Variants in PLCXD3 observed in about 807,000 individuals in gnomAD.
PLCXD3 encodes the protein phosphatidylinositol specific phospholipase C X domain containing 3.
PLCXD3 carries 19 observed loss-of-function variants against 25.5 expected under a neutral mutation model. The observed-to-expected ratio is 0.75, with a 90% CI of 0.52 to 1.09. The LOEUF (loss-of-function observed/expected upper bound fraction) is 1.09, where lower values mean the gene tolerates loss of function less well. Among genes scored for constraint, PLCXD3 ranks in the 50% least tolerant of loss-of-function variants. The pLI is 0.00. For synonymous variants in PLCXD3, 174 were observed against 137.6 expected, an observed-to-expected ratio of 1.26 and a Z score of -1.85; for missense variants, 411 against 388.1, an observed-to-expected ratio of 1.06 and a Z score of -0.50.
intron 2 of PLCXD3, among the ~76,000 whole-genome samples, chr5:41,343,903 T>C (rs895209346): frequency 8.5e-5 from 13 of 152,132 alleles, no homozygotes; most frequent in African/African-American, 3.1e-4. Flanking sequence ...GATTTGTTTG[T>C]CTGATAAGAA....
chr5:41,384,071 A>G (rs1425868608), intron 1 of PLCXD3, among the ~76,000 whole-genome samples: 1 of 152,110 alleles, frequency 6.6e-6, no homozygotes, highest in African/African-American at 2.4e-5. Flanking sequence ...TAAAATTTAG[A>G]TAAGTTCTCA....
At chr5:41,393,571 T>G (rs529690731) in intron 1 of PLCXD3, among the ~76,000 whole-genome samples, 1 of 152,216 alleles carries the variant, frequency 6.6e-6, no homozygotes, top group Non-Finnish European at 1.5e-5. Flanking sequence ...TAAAAAGTCC[T>G]TCAAACAGAA....
chr5:41,501,035 C>G (rs1748939951), intron 1 of PLCXD3, among the ~76,000 whole-genome samples: 1 of 151,750 alleles, frequency 6.6e-6, no homozygotes, highest in Non-Finnish European at 1.5e-5. Context: ...AGGATGGTTA[C>G]TATCAAAAAT....
In PLCXD3 at chr5:41,488,277, C is replaced by T. The variant is rs1178326165; in HGVS notation, c.103+22147G>A. On this transcript the variant is annotated intron_variant, in intron 1 of 2. Transcript: ENST00000377801. ...ATGAACTCATCATTTTTTATGGCTG[C>T]ATAGTATTCCATGGTGTATATGTGC... is the stretch of plus-strand genomic sequence containing the variant. Among the ~76,000 whole-genome samples, 5 of 141,246 alleles carry T rather than the reference C, an allele frequency of 3.5e-5. No homozygotes were observed. The East Asian group carries it at 6.2e-4, about 17-fold the overall frequency. The allele number at this position is 141,246 out of a possible 152,430, so 92.7% of individuals were successfully genotyped here. A position where few individuals can be genotyped will look rare whatever the true frequency, so the allele number is the denominator to read the frequency against.
At chr5:41,465,513 T>C (rs556708189) in intron 1 of PLCXD3, among the ~76,000 whole-genome samples, 2 of 151,938 alleles carry the variant, frequency 1.3e-5, no homozygotes, top group African/African-American at 2.4e-5. Flanking sequence ...TAATTCAGCA[T>C]GTGCTCAATG....
chr5:41,407,170 T>C (rs1257861769), intron 1 of PLCXD3, among the ~76,000 whole-genome samples: 2 of 152,208 alleles, frequency 1.3e-5, no homozygotes, highest in Admixed American at 1.3e-4. Flanking sequence ...TGGCTGATGT[T>C]ATGTGGGACT....
intron 1 of PLCXD3, among the ~76,000 whole-genome samples, chr5:41,436,487 A>G (rs879922135): frequency 6.6e-6 from 1 of 152,178 alleles, no homozygotes; most frequent in African/African-American, 2.4e-5. Context: ...GCTACTTAAT[A>G]TGTTCAGTAA....
At chr5:41,451,480 T>C (rs1021500141) in intron 1 of PLCXD3, among the ~76,000 whole-genome samples, 1 of 152,070 alleles carries the variant, frequency 6.6e-6, no homozygotes, top group East Asian at 1.9e-4. Flanking sequence ...GGCAACACTC[T>C]AGCAGAAAAG....
intron 1 of PLCXD3, among the ~76,000 whole-genome samples, chr5:41,475,080 C>CA (rs1276574504): frequency 6.6e-6 from 1 of 152,204 alleles, no homozygotes; most frequent in Non-Finnish European, 1.5e-5. Flanking sequence ...GTAGGTGGGG[C>CA]AAAAAATTCC....
At chr5:41,389,868 C>A (rs543727503) in intron 1 of PLCXD3, among the ~76,000 whole-genome samples, 1 of 152,060 alleles carries the variant, frequency 6.6e-6, no homozygotes, top group East Asian at 1.9e-4. Context: ...AATGTACAGA[C>A]AGTAAAATGT....
chr5:41,315,506 A>G (rs1346858347), intron 2 of PLCXD3, among the ~76,000 whole-genome samples: 1 of 152,202 alleles, frequency 6.6e-6, no homozygotes, highest in Non-Finnish European at 1.5e-5. Context: ...AAGGCTCCGC[A>G]TACCCCTGCA....
chr5:41,424,078 A>C (rs1746892346), intron 1 of PLCXD3, among the ~76,000 whole-genome samples: 1 of 152,130 alleles, frequency 6.6e-6, no homozygotes, highest in Non-Finnish European at 1.5e-5. Context: ...TGCAAAATTC[A>C]AACTTTCTAC....
chr5:41,330,315 C>A (rs1372980704), intron 2 of PLCXD3, among the ~76,000 whole-genome samples: 1 of 152,148 alleles, frequency 6.6e-6, no homozygotes, highest in African/African-American at 2.4e-5. Context: ...ACACTACAAA[C>A]ACCTCTACGC....
At chr5:41,351,432 G>A (rs1299294580) in intron 2 of PLCXD3, among the ~76,000 whole-genome samples, 4 of 152,142 alleles carry the variant, frequency 2.6e-5, no homozygotes, top group African/African-American at 9.7e-5. Context: ...TAGGCTTCGA[G>A]GCCTGTAAGG....
intron 1 of PLCXD3, among the ~76,000 whole-genome samples, chr5:41,394,643 A>AC (rs1251140839): frequency 6.6e-6 from 1 of 152,034 alleles, no homozygotes; most frequent in Non-Finnish European, 1.5e-5. Context: ...CAATGGAAAC[A>AC]AAAAAAAGAA....
chr5:41,389,543 A>T (rs1052038428), intron 1 of PLCXD3, among the ~76,000 whole-genome samples: 1 of 152,192 alleles, frequency 6.6e-6, no homozygotes, highest in African/African-American at 2.4e-5. Context: ...ATAGGCAAAG[A>T]TAACCAACTG....
At chr5:41,371,492 C>T (rs1337665041) in intron 2 of PLCXD3, among the ~76,000 whole-genome samples, 1 of 152,064 alleles carries the variant, frequency 6.6e-6, no homozygotes, top group Non-Finnish European at 1.5e-5. Context: ...TTGAAATATC[C>T]AAATATAGAC....
At chr5:41,373,595 C>T (rs923227151) in intron 2 of PLCXD3, among the ~76,000 whole-genome samples, 4 of 152,062 alleles carry the variant, frequency 2.6e-5, no homozygotes, top group African/African-American at 4.8e-5. Context: ...GCCCGCAGGC[C>T]GCAATCCTTT....
At chr5:41,330,570 A>G (rs202057011) in intron 2 of PLCXD3, among the ~76,000 whole-genome samples, 3 of 152,252 alleles carry the variant, frequency 2.0e-5, no homozygotes. Context: ...AATAGAAAAA[A>G]AGGAATCCTC....
Sources: gnomAD v4.1 joint callset for allele counts (sites outside exome capture counted in the v4.1 genomes callset) on GRCh38, gnomAD v4.1.1 for gene constraint, MANE v1.5 for transcripts, NCBI Gene and HGNC (gene_info 2026-07-23, HGNC 2026-07-21) for gene names.